The following UGT2B17 variants were observed in gnomAD, a reference collection of about 807,000 sequenced individuals.
The protein encoded by UGT2B17 is UDP glucuronosyltransferase family 2 member B17.
UGT2B17 carries 21 observed loss-of-function variants against 48.2 expected under a neutral mutation model. The ratio of observed to expected loss-of-function variants is 0.44; its 90% CI spans 0.31 to 0.63. The LOEUF is 0.63. UGT2B17 is among the 20% of genes least tolerant of loss of function. UGT2B17 has a pLI of 0.08. For synonymous variants in UGT2B17, 146 were observed against 238.4 expected, an observed-to-expected ratio of 0.61 and a Z score of 3.57; for missense variants, 402 against 696.1, an observed-to-expected ratio of 0.58 and a Z score of 4.75.
At chr4:68,555,529 A>T (rs1214249731) in intron 4 of UGT2B17, among the ~76,000 whole-genome samples, 1 of 126,108 alleles carries the variant, frequency 7.9e-6, no homozygotes, top group African/African-American at 2.7e-5. Context: ...TTGGAGGTTA[A>T]AAGCAAGATG....
intron 3 of UGT2B17, among the ~76,000 whole-genome samples, chr4:68,561,436 G>A (rs1200828292): frequency 8.0e-6 from 1 of 124,578 alleles, no homozygotes; most frequent in Non-Finnish European, 1.7e-5. Flanking sequence ...ATAATTAAGT[G>A]ATCTTATTTC....
intron 3 of UGT2B17, among the ~76,000 whole-genome samples, 193 bp downstream of exon 3, chr4:68,565,379 A>T (rs6856641): frequency 0.99 from 122,137 of 123,340 alleles, 60,715 homozygotes; most frequent in Non-Finnish European, 1. Flanking sequence ...TCCCTAGTAA[A>T]CCTCTTTGGT....
intron 6 of UGT2B17, among the ~76,000 whole-genome samples, chr4:68,538,435 C>G (rs983036447): frequency 2.4e-5 from 3 of 124,158 alleles, no homozygotes; most frequent in African/African-American, 8.3e-5. Flanking sequence ...GATATGAGGT[C>G]TTGCTGTAGT....
At position 68,537,242 on chromosome 4, in the gene UGT2B17, G is replaced by T. The variant is rs1730569178; in HGVS notation, c.*383C>A. On this transcript the variant is annotated 3_prime_UTR_variant, in exon 7 of 7. Coordinates refer to ENST00000317746, the MANE Select transcript of UGT2B17 (RefSeq NM_001077.4). ...AAACAAAAATTCTGCTCAAAATGAA[G>T]CCAAAATATTCTGAGTATTTGCAAA... is the stretch of plus-strand genomic sequence containing the variant. 1 of 129,722 alleles carries T rather than the reference G, an allele frequency of 7.7e-6. No homozygotes were observed. Among genetic ancestry groups the T allele is most frequent in the Non-Finnish European group, 1.6e-5 (1 of 62,188 alleles). The allele number at this position is 129,722 out of a possible 1,614,324, so 8.0% of individuals were successfully genotyped here. A position where few individuals can be genotyped will look rare whatever the true frequency, so the allele number is the denominator to read the frequency against.
In UGT2B17 at chr4:68,547,676, T is replaced by A. The variant is rs1185728973; in HGVS notation, c.1313+3001A>T. Among the ~76,000 whole-genome samples the A allele has an allele frequency of 3.2e-5, 4 of 125,808 alleles. 1 individual carries two copies. The highest frequency in any genetic ancestry group is 1.1e-4 in the African/African-American group (4 of 36,790). 82.5% of individuals were successfully genotyped at this position (125,808 alleles called of 152,430 possible). ...GGAGAACATTTTTGCAATCTACTCA[T>A]CTGACAAAGGGCTAATATCCAGAAT... On this transcript the variant is annotated intron_variant, in intron 6 of 6. Transcript: ENST00000317746.
In UGT2B17 at chr4:68,537,395, C is replaced by G. The variant is rs1346482829; in HGVS notation, c.*230G>C. Reference sequence around the variant, plus strand: ...TTAGAATAATAAATTTCAATATAAGCCCATAAGGTTTTATATTATTATTTT... The same window carrying G: ...TTAGAATAATAAATTTCAATATAAGGCCATAAGGTTTTATATTATTATTTT... On this transcript the variant is annotated 3_prime_UTR_variant, in exon 7 of 7. Coordinates refer to ENST00000317746, the MANE Select transcript of UGT2B17 (RefSeq NM_001077.4). The G allele has an allele frequency of 2.9e-5, 9 of 314,718 alleles. 2 individuals are homozygous for G. The highest frequency in any genetic ancestry group is 4.4e-5 in the Non-Finnish European group (9 of 205,406). 19.5% of individuals were successfully genotyped at this position (314,718 alleles called of 1,614,324 possible).
In UGT2B17 at chr4:68,550,907, A is replaced by T. The variant is rs201344972; in HGVS notation, c.1094-11T>A. The T allele has an allele frequency of 1.1e-4, 142 of 1,348,350 alleles. 28 individuals carry two copies. The African/African-American group carries it at 2.0e-3, about 19-fold the overall frequency. The allele number at this position is 1,348,350 out of a possible 1,614,324, so 83.5% of individuals were successfully genotyped here. A position where few individuals can be genotyped will look rare whatever the true frequency, so the allele number is the denominator to read the frequency against. On this transcript the variant is annotated splice_polypyrimidine_tract_variant and intron_variant, in intron 5 of 6. Transcript: ENST00000317746. Reference sequence around the variant, plus strand: ...TGGTTTTGGGATGACCTAAAAGTGGATGCATTTTAACAAAGTTATTAATTA... The same window carrying T: ...TGGTTTTGGGATGACCTAAAAGTGGTTGCATTTTAACAAAGTTATTAATTA...
intron 3 of UGT2B17, among the ~76,000 whole-genome samples, chr4:68,561,537 C>A (rs1316838772): frequency 2.4e-5 from 3 of 123,986 alleles, no homozygotes; most frequent in Non-Finnish European, 5.1e-5. Flanking sequence ...CCATGAGGGA[C>A]CCTCATCCTC....
rs1332030770 is a variant in UGT2B17 at position 68,566,077 on chromosome 4, A to C, written c.725-357T>G. Among the ~76,000 whole-genome samples the C allele has an allele frequency of 1.9e-4, 22 of 118,614 alleles. 4 individuals are homozygous for C. Among genetic ancestry groups the C allele is most frequent in the Non-Finnish European group, 2.9e-4 (17 of 57,760 alleles). The allele number at this position is 118,614 out of a possible 152,430, so 77.8% of individuals were successfully genotyped here. On this transcript the variant is annotated intron_variant, in intron 2 of 6. Transcript: ENST00000317746. The stretch of plus-strand genomic sequence containing the variant: ...TTATTAATTTTATTTTATTAATAAA[A>C]CATTAATAAAGTTAATAAAATTAAA...
At chr4:68,562,421 G>A (rs1427626980) in intron 3 of UGT2B17, among the ~76,000 whole-genome samples, 1 of 126,144 alleles carries the variant, frequency 7.9e-6, no homozygotes, top group Non-Finnish European at 1.7e-5. Context: ...TCTGATATCA[G>A]TTTTAATTGG....
intron 4 of UGT2B17, among the ~76,000 whole-genome samples, chr4:68,555,235 A>G (rs1254482221): frequency 7.9e-6 from 1 of 126,022 alleles, no homozygotes; most frequent in Non-Finnish European, 1.7e-5. Flanking sequence ...TCAAAATTTG[A>G]CATAGGGGTT....
At chr4:68,547,155 C>A (rs1265757007) in intron 6 of UGT2B17, among the ~76,000 whole-genome samples, 1 of 115,488 alleles carries the variant, frequency 8.7e-6, no homozygotes, top group African/African-American at 2.9e-5. Context: ...GGAGGCATCA[C>A]ACTACCTGAC....
chr4:68,574,626 T>A (rs960468102), intron 1 of UGT2B17, among the ~76,000 whole-genome samples: 1 of 127,150 alleles, frequency 7.9e-6, no homozygotes, highest in African/African-American at 2.7e-5. Context: ...CTTTTTTGAC[T>A]TTTTAATGTA....
At position 68,543,583 on chromosome 4, in the gene UGT2B17, G is replaced by A. The variant is rs1164929339; in HGVS notation, c.1314-5679C>T. 5.6e-5 allele frequency among the ~76,000 whole-genome samples: 7 copies of A among 125,942 alleles called. 1 individual carries two copies. Among genetic ancestry groups the A allele is most frequent in the Non-Finnish European group, 8.4e-5 (5 of 59,540 alleles). 82.6% of individuals were successfully genotyped at this position (125,942 alleles called of 152,430 possible). ...CAGCAATGGAACAAAGCTGGATGGA[G>A]AATGACTTTGACGAGTTCAGAGAAG... On this transcript the variant is annotated intron_variant, in intron 6 of 6. Transcript: ENST00000317746.
rs555824070 is a variant in UGT2B17 at position 68,568,283 on chromosome 4, T to G, written c.202A>C (p.Lys68Gln). The G allele has an allele frequency of 3.8e-5, 52 of 1,376,720 alleles. 15 individuals carry two copies. Among genetic ancestry groups the G allele is most frequent in the Admixed American group, 1.4e-4 (7 of 48,280 alleles). 85.3% of individuals were successfully genotyped at this position (1,376,720 alleles called of 1,614,324 possible). ...ACTTCTAATTTAATAGCAGATGATTTACTGGCATTGACAAGAATAGAAGCC... is the reference window on the plus strand; with the variant it reads ...ACTTCTAATTTAATAGCAGATGATTGACTGGCATTGACAAGAATAGAAGCC... The part of the protein sequence containing the change: ...SSASILVNAS[K>Q]SSAIKLEVYP... The change falls in exon 2 of 7, where the codon AAA (lysine) becomes CAA (glutamine). Residue 68 changes from lysine (K) to glutamine (Q), a missense_variant. Around this residue, in one of 5 missense-constraint regions of UGT2B17, gnomAD observed 51 missense variants for 108.7 expected, o/e 0.47. Transcript: ENST00000317746.
chr4:68,574,140 A>C lies in UGT2B17; in HGVS notation c.-65+1811T>G, dbSNP rs1489774638. On this transcript the variant is annotated intron_variant, in intron 1 of 6. Coordinates refer to ENST00000317746, the MANE Select transcript of UGT2B17 (RefSeq NM_001077.4). ...ATTTCAACCAGGCATTTGTAGCTTGATATACTGTCTTAATTGCTAAAGTTT... is the reference window on the plus strand; with the variant it reads ...ATTTCAACCAGGCATTTGTAGCTTGCTATACTGTCTTAATTGCTAAAGTTT... Among the ~76,000 whole-genome samples, 3 of 127,108 alleles carry C rather than the reference A, an allele frequency of 2.4e-5. 1 individual carries two copies. The highest frequency in any genetic ancestry group is 8.1e-5 in the African/African-American group (3 of 37,030). The allele number at this position is 127,108 out of a possible 152,430, so 83.4% of individuals were successfully genotyped here. A position where few individuals can be genotyped will look rare whatever the true frequency, so the allele number is the denominator to read the frequency against.
rs1211259566 is a variant in UGT2B17, at chr4:68,548,603, C to G, written c.1313+2074G>C. 2.4e-4 allele frequency among the ~76,000 whole-genome samples: 30 copies of G among 124,982 alleles called. 8 individuals carry two copies. The Admixed American group carries it at 2.5e-3, about 10-fold the overall frequency. The allele number at this position is 124,982 out of a possible 152,430, so 82.0% of individuals were successfully genotyped here. A position where few individuals can be genotyped will look rare whatever the true frequency, so the allele number is the denominator to read the frequency against. On this transcript the variant is annotated intron_variant, in intron 6 of 6. Coordinates refer to ENST00000317746, the MANE Select transcript of UGT2B17 (RefSeq NM_001077.4). ...AAAAAATTACTTTGGGCAGCATGGCCATTTTTACAATTCTGATTTTTTTAT... is the reference window on the plus strand; with the variant it reads ...AAAAAATTACTTTGGGCAGCATGGCGATTTTTACAATTCTGATTTTTTTAT...
rs1359197046 is a variant in UGT2B17 at position 68,547,733 on chromosome 4, AAAAC to A, written c.1313+2940_1313+2943del. 5.5e-5 allele frequency among the ~76,000 whole-genome samples: 7 copies of A among 126,610 alleles called. 2 individuals carry two copies. The highest frequency in any genetic ancestry group is 1.9e-4 in the African/African-American group (7 of 37,026). 83.1% of individuals were successfully genotyped at this position (126,610 alleles called of 152,430 possible). On this transcript the variant is annotated intron_variant, in intron 6 of 6. Coordinates refer to ENST00000317746, the MANE Select transcript of UGT2B17 (RefSeq NM_001077.4). Reference sequence around the variant, plus strand: ...TGAACTCAAACAAATTTACAAGAAAAAAACAAACAACCTCATCAGCTTGTGGGTG... The same window carrying A: ...TGAACTCAAACAAATTTACAAGAAAAAAACAACCTCATCAGCTTGTGGGTG...
chr4:68,573,066 C>T lies in UGT2B17; in HGVS notation c.-65+2885G>A, dbSNP rs186729894. 1.8e-3 allele frequency among the ~76,000 whole-genome samples: 232 copies of T among 127,574 alleles called. 58 individuals are homozygous for T. The highest frequency in any genetic ancestry group is 2.4e-3 in the South Asian group (7 of 2,934). 83.7% of individuals were successfully genotyped at this position (127,574 alleles called of 152,430 possible). A position where few individuals can be genotyped will look rare whatever the true frequency, so the allele number is the denominator to read the frequency against. The stretch of plus-strand genomic sequence containing the variant: ...ATCTAGTTAGTCTATCATTTATTAG[C>T]TAATGATGTCCTTTGGTATTTATTA... On this transcript the variant is annotated intron_variant, in intron 1 of 6. Transcript: ENST00000317746.
Sources: gnomAD v4.1 joint callset for allele counts (sites outside exome capture counted in the v4.1 genomes callset) on GRCh38, gnomAD v4.1.1 for gene constraint, gnomAD v4.1.1 regional missense constraint, MANE v1.5 for transcripts, NCBI Gene and HGNC (gene_info 2026-07-23, HGNC 2026-07-21) for gene names.